The following AKR1B10 variants were observed in gnomAD, a reference collection of about 807,000 sequenced individuals.
AKR1B10 encodes the protein aldo-keto reductase family 1 member B10, also known as ARP.
Under a neutral mutation model 38.9 loss-of-function variants are expected in AKR1B10, and 39 were observed. The observed-to-expected ratio is 1.00, with a 90% CI of 0.78 to 1.31. The LOEUF (loss-of-function observed/expected upper bound fraction) is 1.31, where lower values mean the gene tolerates loss of function less well. Among genes scored for constraint, AKR1B10 ranks in the 50% most tolerant of loss-of-function variants. The probability of loss-of-function intolerance (pLI) is 0.00; values close to 1 mark genes in which losing one functional copy is unlikely to be tolerated. For missense variants in AKR1B10, 361 were observed against 382.6 expected (o/e 0.94, Z 0.47); for synonymous variants, 148 against 141.2 (o/e 1.05, Z -0.34).
intron 1 of AKR1B10, among the ~76,000 whole-genome samples, chr7:134,528,962 C>T (rs1016654407): frequency 1.3e-5 from 2 of 152,140 alleles, no homozygotes; most frequent in African/African-American, 4.8e-5. Flanking sequence ...TAAGGCACAT[C>T]CAGGACTCAG....
rs763551589 is a variant in AKR1B10 at position 134,533,031 on chromosome 7, G to T, written c.379G>T (p.Asp127Tyr). 5 of 1,602,112 alleles carry T rather than the reference G, an allele frequency of 3.1e-6. No homozygotes were observed. The highest frequency in any genetic ancestry group is 4.3e-6 in the Non-Finnish European group (5 of 1,176,066). ...KSGDDLFPKD[D>Y]KGNAIGGKAT... ...TGGGGATGACCTTTTCCCCAAAGATGATAAAGGTAATGCCATCGGTGGAAA... is the reference window on the plus strand; with the variant it reads ...TGGGGATGACCTTTTCCCCAAAGATTATAAAGGTAATGCCATCGGTGGAAA... The change falls in exon 4 of 10, where the codon GAT (aspartate) becomes TAT (tyrosine). Residue 127 changes from aspartate (D) to tyrosine (Y), a missense_variant. By Grantham distance (160) the Asp-to-Tyr change is radical. Coordinates refer to ENST00000359579, the MANE Select transcript of AKR1B10 (RefSeq NM_020299.5).
chr7:134,539,173 A>G, intron 9 of AKR1B10, 156 bp downstream of exon 9: 2 of 748,494 alleles, frequency 2.7e-6, no homozygotes, highest in South Asian at 3.6e-5. Flanking sequence ...CCTGGGAATC[A>G]CTGTGAGGGA....
Position 134,537,564 on chromosome 7 carries a change from A to G in AKR1B10, c.660-16A>G, listed in dbSNP as rs377177758. On this transcript the variant is annotated splice_polypyrimidine_tract_variant and intron_variant, in intron 6 of 9. Transcript: ENST00000359579. Reference sequence around the variant, plus strand: ...AGCCATGGTGATTATTCACATCAGCATCTTTCTGCCCCTAGGGCCAAGCCA... The same window carrying G: ...AGCCATGGTGATTATTCACATCAGCGTCTTTCTGCCCCTAGGGCCAAGCCA... 5.0e-6 allele frequency: 8 copies of G among 1,612,224 alleles called. No individual in the cohort carries two copies. In the African/African-American group the frequency reaches 1.1e-4, roughly 22 times the overall value.
At chr7:134,539,087 G>A in intron 9 of AKR1B10, 70 bp downstream of exon 9, 17 of 1,580,464 alleles carry the variant, frequency 1.1e-5, no homozygotes, top group Non-Finnish European at 1.3e-5. Context: ...TTAGTTGGAA[G>A]GATTGGAAGG....
intron 9 of AKR1B10, among the ~76,000 whole-genome samples, chr7:134,539,597 G>A (rs1021429636): frequency 1.3e-5 from 2 of 152,138 alleles, no homozygotes; most frequent in Non-Finnish European, 2.9e-5. Flanking sequence ...ATTCTTGGCG[G>A]TGATAACAGC....
At chr7:134,537,831 G>T (rs952707683) in intron 7 of AKR1B10, among the ~76,000 whole-genome samples, 170 bp downstream of exon 7, 1 of 152,190 alleles carries the variant, frequency 6.6e-6, no homozygotes, top group East Asian at 1.9e-4. Context: ...CACAAGAGCT[G>T]TCACTGAAGC....
chr7:134,533,573 A>G (rs1264276592), intron 4 of AKR1B10, among the ~76,000 whole-genome samples: 2 of 152,200 alleles, frequency 1.3e-5, no homozygotes, highest in Non-Finnish European at 1.5e-5. Context: ...CAGGGTTAAC[A>G]TCCCCATTTA....
intron 1 of AKR1B10, 54 bp from the exon 2 acceptor site, chr7:134,530,589 G>T: frequency 6.2e-7 from 1 of 1,600,078 alleles, no homozygotes; most frequent in Non-Finnish European, 8.5e-7. Flanking sequence ...ACACGGCAGG[G>T]CCCCATCTCT....
In AKR1B10 at chr7:134,541,288, G is replaced by C. The variant is rs926423157; in HGVS notation, c.*199G>C. On this transcript the variant is annotated 3_prime_UTR_variant, in exon 10 of 10. Transcript: ENST00000359579. ...GGATCAGAATATCACAGAAAAGCAT[G>C]GCTTGAATAAGGAAATGACAATTTT... 2 of 512,428 alleles carry C rather than the reference G, an allele frequency of 3.9e-6. No homozygotes were observed. The highest frequency in any genetic ancestry group is 4.0e-5 in the African/African-American group (2 of 50,482). 31.7% of individuals were successfully genotyped at this position (512,428 alleles called of 1,614,324 possible).
chr7:134,527,724 T>TTA lies in AKR1B10; in HGVS notation c.-188_-187insTA. 2 of 499,802 alleles carry TTA rather than the reference T, an allele frequency of 4.0e-6. No homozygotes were observed. The highest frequency in any genetic ancestry group is 3.3e-6 in the Non-Finnish European group (1 of 307,390). 31.0% of individuals were successfully genotyped at this position (499,802 alleles called of 1,614,324 possible). On this transcript the variant is annotated 5_prime_UTR_variant, in exon 1 of 10. Coordinates refer to ENST00000359579, the MANE Select transcript of AKR1B10 (RefSeq NM_020299.5). ...AGCTGGGAGTCACGGTGGGCGCCTG[T>TTA]AATCCCAGCTACTCGGGAGGCTGAG...
intron 9 of AKR1B10, among the ~76,000 whole-genome samples, chr7:134,540,480 G>A (rs557225963): frequency 4.6e-5 from 7 of 152,252 alleles, no homozygotes; most frequent in African/African-American, 1.7e-4. Context: ...ATGGGTTGGT[G>A]GGCTCTGCAG....
intron 9 of AKR1B10, 115 bp downstream of exon 9, chr7:134,539,132 T>G (rs1490082043): frequency 7.7e-7 from 1 of 1,291,586 alleles, no homozygotes; most frequent in African/African-American, 1.5e-5. Context: ...AATACTATTT[T>G]GGGGCAATTT....
chr7:134,532,737 T>C (rs1264565536), intron 3 of AKR1B10, among the ~76,000 whole-genome samples: 3 of 152,194 alleles, frequency 2.0e-5, no homozygotes, highest in Non-Finnish European at 4.4e-5. Context: ...TCTAGGTGTA[T>C]GAGGTTAATG....
At position 134,530,717 on chromosome 7, in the gene AKR1B10, T is replaced by A. The variant is rs1807828979; in HGVS notation, c.141T>A (p.Tyr47Ter). Residue 47 changes from tyrosine to a stop codon, truncating the protein, a stop_gained, in exon 2 of 10, where the codon TAT becomes TAA. Coordinates refer to ENST00000359579, the MANE Select transcript of AKR1B10 (RefSeq NM_020299.5). LOFTEE classifies it high-confidence loss of function. ...GATATCGGCACATTGACTGTGCCTA[T>A]GTCTATCAGAATGAACATGAAGTGG... ...DAGYRHIDCA[Y>*]VYQNEHEVGE... 1.2e-6 allele frequency: 2 copies of A among 1,614,116 alleles called. No individual in the cohort carries two copies. Among genetic ancestry groups the A allele is most frequent in the Non-Finnish European group, 1.7e-6 (2 of 1,179,970 alleles).
intron 1 of AKR1B10, among the ~76,000 whole-genome samples, chr7:134,528,382 G>A (rs915605869): frequency 3.3e-4 from 50 of 152,194 alleles, no homozygotes; most frequent in African/African-American, 1.2e-3. Context: ...TGCAGATCAC[G>A]GTGTGAGACT....
At chr7:134,531,775 G>T in intron 2 of AKR1B10, 133 bp from the exon 3 acceptor site, 1 of 991,722 alleles carries the variant, frequency 1.0e-6, no homozygotes, top group South Asian at 1.5e-5. Flanking sequence ...CTGTGTCGTG[G>T]ATCTTAATCA....
chr7:134,538,006 T>A lies in AKR1B10; in HGVS notation c.742-188T>A, dbSNP rs529483112. On this transcript the variant is annotated intron_variant, in intron 7 of 9. Coordinates refer to ENST00000359579, the MANE Select transcript of AKR1B10 (RefSeq NM_020299.5). Reference sequence around the variant, plus strand: ...TCCTAAAAAAGGAAGATCACAGGGTTGTCTCTAAGGTGAAGGGAGAGAAAG... The same window carrying A: ...TCCTAAAAAAGGAAGATCACAGGGTAGTCTCTAAGGTGAAGGGAGAGAAAG... 8.6e-4 allele frequency: 572 copies of A among 661,570 alleles called. 4 individuals carry two copies. The African/African-American group carries it at 9.3e-3, about 11-fold the overall frequency. 41.0% of individuals were successfully genotyped at this position (661,570 alleles called of 1,614,324 possible).
intron 9 of AKR1B10, 36 bp from the exon 10 acceptor site, chr7:134,541,011 A>T: frequency 6.9e-7 from 1 of 1,450,574 alleles, no homozygotes. Context: ...GATGGAACTC[A>T]GTTTCTCTGT....
intron 9 of AKR1B10, among the ~76,000 whole-genome samples, chr7:134,540,140 C>T (rs947058405): frequency 2.0e-5 from 3 of 152,012 alleles, no homozygotes; most frequent in Non-Finnish European, 4.4e-5. Context: ...ATGGTGTGAA[C>T]CCGGGAGGTA....
Sources: allele counts gnomAD v4.1 joint callset (sites outside exome capture counted in the v4.1 genomes callset), GRCh38; gene constraint gnomAD v4.1.1; transcripts MANE v1.5; gene names NCBI Gene and HGNC (gene_info 2026-07-23, HGNC 2026-07-21).